ADGRB3: variants seen among roughly 807,000 people sequenced by gnomAD.
The protein encoded by ADGRB3 is adhesion G protein-coupled receptor B3, also known as brain-specific angiogenesis inhibitor 3.
In ADGRB3, 37 loss-of-function variants were observed where a neutral mutation model predicts 193.4. The ratio of observed to expected loss-of-function variants is 0.19; its 90% CI spans 0.15 to 0.25. The LOEUF is 0.25. ADGRB3 is among the 10% of genes least tolerant of loss of function. The probability of loss-of-function intolerance (pLI) is 1.00; values close to 1 mark genes in which losing one functional copy is unlikely to be tolerated. For synonymous variants in ADGRB3, 690 were observed against 644.2 expected, an observed-to-expected ratio of 1.07 and a Z score of -1.08; for missense variants, 1,637 against 1,852.9, an observed-to-expected ratio of 0.88 and a Z score of 2.14.
At chr6:69,328,857 C>T (rs1768644314) in intron 22 of ADGRB3, among the ~76,000 whole-genome samples, 1 of 151,992 alleles carries the variant, frequency 6.6e-6, no homozygotes, top group African/African-American at 2.4e-5. Flanking sequence ...TTTACAATAG[C>T]ATAATTATTG....
At chr6:69,008,891 C>T (rs1769851249) in intron 11 of ADGRB3, among the ~76,000 whole-genome samples, 2 of 152,052 alleles carry the variant, frequency 1.3e-5, no homozygotes, top group South Asian at 2.1e-4. Flanking sequence ...GTTTTCTTAT[C>T]TGTAAAAATA....
At position 68,956,687 on chromosome 6, in the gene ADGRB3, C is replaced by A. The variant is rs1167517276; in HGVS notation, c.1403C>A (p.Ser468Tyr). 24 of 1,613,744 alleles carry A rather than the reference C, an allele frequency of 1.5e-5. No individual in the cohort carries two copies. Among genetic ancestry groups the A allele is most frequent in the African/African-American group, 2.7e-5 (2 of 74,816 alleles). The change falls in exon 8 of 32, where the codon TCC becomes TAC. Residue 468 changes from serine (S) to tyrosine (Y), a missense_variant. Transcript: ENST00000370598. ...WNQWGHWSGC[S>Y]KSCDGGWERR... ...CAGTGGGGTCATTGGAGTGGTTGTTCCAAGTCCTGTGATGGCGGCTGGGAA... is the reference window on the plus strand; with the variant it reads ...CAGTGGGGTCATTGGAGTGGTTGTTACAAGTCCTGTGATGGCGGCTGGGAA...
At chr6:68,798,268 C>G (rs544703971) in intron 3 of ADGRB3, among the ~76,000 whole-genome samples, 2 of 152,204 alleles carry the variant, frequency 1.3e-5, no homozygotes, top group East Asian at 1.9e-4. Context: ...TATTCATAAG[C>G]CTTCTATGTG....
intron 27 of ADGRB3, among the ~76,000 whole-genome samples, chr6:69,355,457 CA>C (rs1769318253): frequency 6.6e-6 from 1 of 152,140 alleles, no homozygotes; most frequent in Non-Finnish European, 1.5e-5. Context: ...CAATAACAAA[CA>C]TAATTATTTA....
At chr6:69,209,387 C>T (rs2127237457) in intron 17 of ADGRB3, among the ~76,000 whole-genome samples, 1 of 152,330 alleles carries the variant, frequency 6.6e-6, no homozygotes, top group South Asian at 2.1e-4. Flanking sequence ...ACAGACCCCA[C>T]ACCAATAGGC....
intron 5 of ADGRB3, among the ~76,000 whole-genome samples, chr6:68,938,373 T>A (rs1767538510): frequency 1.3e-5 from 2 of 151,566 alleles, no homozygotes; most frequent in South Asian, 4.2e-4. Context: ...GGGATTCTAT[T>A]TTATTTTATT....
intron 20 of ADGRB3, among the ~76,000 whole-genome samples, chr6:69,287,949 A>T (rs571311002): frequency 6.6e-6 from 1 of 152,166 alleles, no homozygotes; most frequent in Non-Finnish European, 1.5e-5. Context: ...TTAGAAATCT[A>T]CTTTAAAAAA....
At chr6:69,328,502 T>C (rs1336785681) in intron 22 of ADGRB3, among the ~76,000 whole-genome samples, 2 of 152,170 alleles carry the variant, frequency 1.3e-5, no homozygotes, top group Admixed American at 6.5e-5. Context: ...CAGTGCACTT[T>C]CATGTTTTAT....
intron 26 of ADGRB3, among the ~76,000 whole-genome samples, chr6:69,348,621 C>T (rs896766766): frequency 3.6e-4 from 55 of 151,552 alleles, no homozygotes; most frequent in African/African-American, 1.1e-3. Flanking sequence ...GAGATTGTGC[C>T]ACTGCACTCC....
chr6:68,792,959 TA>T (rs1281766403), intron 3 of ADGRB3, among the ~76,000 whole-genome samples: 2 of 152,336 alleles, frequency 1.3e-5, no homozygotes, highest in Non-Finnish European at 2.9e-5. Flanking sequence ...CCATTTTTGA[TA>T]GCTACTTCAT....
At chr6:69,233,261 A>C in intron 17 of ADGRB3, 29 bp from the exon 18 acceptor site, 2 of 1,609,298 alleles carry the variant, frequency 1.2e-6, no homozygotes, top group Non-Finnish European at 1.7e-6. Flanking sequence ...ATTTATCCCG[A>C]TTTCCTCCCC....
At chr6:69,120,999 C>CTTTTTTTT (rs36095516) in intron 17 of ADGRB3, among the ~76,000 whole-genome samples, 2 of 123,526 alleles carry the variant, frequency 1.6e-5, no homozygotes, top group Non-Finnish European at 3.3e-5. Context: ...ATGCAGTTAT[C>CTTTTTTTT]TTTTTTTTTT....
chr6:69,291,220 T>C (rs962361330), intron 20 of ADGRB3, among the ~76,000 whole-genome samples: 1 of 152,194 alleles, frequency 6.6e-6, no homozygotes, highest in African/African-American at 2.4e-5. Flanking sequence ...GGAATTCCAA[T>C]AATGCTCACT....
chr6:69,330,626 C>A (rs1768698964), intron 23 of ADGRB3, 54 bp downstream of exon 23: 4 of 1,429,878 alleles, frequency 2.8e-6, no homozygotes, highest in Non-Finnish European at 3.8e-6. Flanking sequence ...AAAAAGACTA[C>A]TTTCTTTCAA....
At chr6:69,231,192 G>A (rs960993156) in intron 17 of ADGRB3, among the ~76,000 whole-genome samples, 1 of 152,170 alleles carries the variant, frequency 6.6e-6, no homozygotes, top group Admixed American at 6.5e-5. Context: ...TCAGAATCTA[G>A]CAACATGATA....
chr6:68,913,075 A>C (rs928291412), intron 3 of ADGRB3, among the ~76,000 whole-genome samples: 2 of 152,172 alleles, frequency 1.3e-5, no homozygotes, highest in African/African-American at 2.4e-5. Flanking sequence ...CAACAGCTCA[A>C]GGAGGCCTGC....
intron 6 of ADGRB3, among the ~76,000 whole-genome samples, chr6:68,955,428 T>A (rs1267658063): frequency 6.6e-6 from 1 of 152,234 alleles, no homozygotes; most frequent in Non-Finnish European, 1.5e-5. Context: ...ATGTACCCCA[T>A]CTCCTAGCAC....
chr6:68,803,887 G>T (rs544470967), intron 3 of ADGRB3, among the ~76,000 whole-genome samples: 2 of 152,114 alleles, frequency 1.3e-5, no homozygotes, highest in African/African-American at 2.4e-5. Flanking sequence ...TGAATCAATG[G>T]TATTTTTATC....
At chr6:68,979,780 T>C (rs1189210159) in intron 10 of ADGRB3, among the ~76,000 whole-genome samples, 1 of 151,494 alleles carries the variant, frequency 6.6e-6, no homozygotes, top group Non-Finnish European at 1.5e-5. Flanking sequence ...TGGGCCAGCC[T>C]ACACTTGAAC....
Sources: allele counts gnomAD v4.1 joint callset (sites outside exome capture counted in the v4.1 genomes callset), GRCh38; gene constraint gnomAD v4.1.1; transcripts MANE v1.5; gene names NCBI Gene and HGNC (gene_info 2026-07-23, HGNC 2026-07-21).